Variants in SCN9A observed in about 807,000 individuals in gnomAD.
SCN9A encodes the protein sodium voltage-gated channel alpha subunit 9.
A neutral mutation model predicts 187.0 loss-of-function variants in SCN9A; 131 were observed. That is an observed-to-expected ratio of 0.70 (90% CI 0.61 to 0.81). The LOEUF (loss-of-function observed/expected upper bound fraction) is 0.81, where lower values mean the gene tolerates loss of function less well. Among genes scored for constraint, SCN9A ranks in the 30% least tolerant of loss-of-function variants. The pLI is 0.00. For missense variants in SCN9A, 2,252 were observed against 2,396.6 expected (o/e 0.94, Z 1.26); for synonymous variants, 809 against 808.6 (o/e 1.00, Z -0.01).
intron 23 of SCN9A, 145 bp downstream of exon 23, chr2:166,227,525 A>G (rs1307260380): frequency 3.1e-6 from 2 of 638,878 alleles, no homozygotes; most frequent in Non-Finnish European, 2.8e-6. Flanking sequence ...TGCTGTACTC[A>G]CAACCACTAG....
chr2:166,370,048 ACTT>A (rs886349406), intron 1 of SCN9A, among the ~76,000 whole-genome samples: 1 of 151,912 alleles, frequency 6.6e-6, no homozygotes, highest in East Asian at 1.9e-4. Context: ...ATCTACATTT[ACTT>A]CTTTTTTCAA....
chr2:166,366,948 C>G (rs1700431780), intron 1 of SCN9A, among the ~76,000 whole-genome samples: 1 of 152,126 alleles, frequency 6.6e-6, no homozygotes, highest in African/African-American at 2.4e-5. Flanking sequence ...TAAAAGTCAA[C>G]TTCTTGCATT....
At chr2:166,200,620 T>G (rs1303040046) in intron 26 of SCN9A, among the ~76,000 whole-genome samples, 8 of 152,242 alleles carry the variant, frequency 5.3e-5, no homozygotes, top group Admixed American at 3.3e-4. Context: ...TCATGTTATA[T>G]AAGCTTTTTT....
At chr2:166,291,937 A>G (rs1387689563) in intron 9 of SCN9A, among the ~76,000 whole-genome samples, 4 of 152,210 alleles carry the variant, frequency 2.6e-5, no homozygotes, top group Non-Finnish European at 5.9e-5. Context: ...TGGATTAAAG[A>G]CTTAATGTAA....
intron 24 of SCN9A, among the ~76,000 whole-genome samples, chr2:166,206,823 T>C (rs1355881087): frequency 6.6e-6 from 1 of 152,206 alleles, no homozygotes; most frequent in African/African-American, 2.4e-5. Context: ...ACTACCTTTT[T>C]AATTCTAAAT....
chr2:166,375,649 G>A (rs1006928705), intron 1 of SCN9A, 48 bp downstream of exon 1: 2 of 152,340 alleles, frequency 1.3e-5, no homozygotes, highest in Admixed American at 1.3e-4. Flanking sequence ...AAAGACCGAG[G>A]GCTTCTCCTC....
intron 1 of SCN9A, among the ~76,000 whole-genome samples, chr2:166,365,719 T>C (rs920733624): frequency 4.6e-5 from 7 of 152,234 alleles, no homozygotes; most frequent in Admixed American, 1.3e-4. Context: ...AAATACCCTG[T>C]ATAAAATTTT....
intron 1 of SCN9A, among the ~76,000 whole-genome samples, chr2:166,328,113 C>G (rs1264783511): frequency 6.6e-6 from 1 of 152,084 alleles, no homozygotes; most frequent in African/African-American, 2.4e-5. Flanking sequence ...CCTTTGTAGT[C>G]CCTGACACTC....
At chr2:166,268,330 T>A (rs1696830908) in intron 17 of SCN9A, among the ~76,000 whole-genome samples, 1 of 152,010 alleles carries the variant, frequency 6.6e-6, no homozygotes. Flanking sequence ...CATAAATATA[T>A]AAATTAGGAG....
Position 166,306,069 on chromosome 2 carries a change from T to C in SCN9A, c.468-149A>G. The C allele has an allele frequency of 5.0e-6, 4 of 802,470 alleles. No homozygotes were observed. The South Asian group carries it at 7.7e-5, about 15-fold the overall frequency. 49.7% of individuals were successfully genotyped at this position (802,470 alleles called of 1,614,324 possible). ...ATGGACACACCCTATTAAACTACAATAGGTCTATCCAGAAAATATTAAAAT... is the reference window on the plus strand; with the variant it reads ...ATGGACACACCCTATTAAACTACAACAGGTCTATCCAGAAAATATTAAAAT... On this transcript the variant is annotated intron_variant, in intron 4 of 26. Coordinates refer to ENST00000642356, the MANE Select transcript of SCN9A (RefSeq NM_001365536.1).
intron 24 of SCN9A, among the ~76,000 whole-genome samples, chr2:166,213,487 AATAATAATG>A (rs983675982): frequency 1.3e-4 from 19 of 147,870 alleles, no homozygotes; most frequent in African/African-American, 4.4e-4. Context: ...TAATAATAAT[AATAATAATG>A]ATAATGATAG....
At chr2:166,352,181 G>A (rs906095310) in intron 1 of SCN9A, among the ~76,000 whole-genome samples, 5 of 152,024 alleles carry the variant, frequency 3.3e-5, no homozygotes, top group South Asian at 2.1e-4. Flanking sequence ...AGATTTACAC[G>A]GCCCTACTTT....
At chr2:166,225,951 G>A (rs1486232981) in intron 24 of SCN9A, among the ~76,000 whole-genome samples, 1 of 152,126 alleles carries the variant, frequency 6.6e-6, no homozygotes, top group Non-Finnish European at 1.5e-5. Context: ...CCAAAAGTGT[G>A]AGAGAATATA....
In SCN9A at chr2:166,370,560, A is replaced by T. The variant is rs551081825; in HGVS notation, c.-51+5137T>A. On this transcript the variant is annotated intron_variant, in intron 1 of 26. Coordinates refer to ENST00000642356, the MANE Select transcript of SCN9A (RefSeq NM_001365536.1). The stretch of plus-strand genomic sequence containing the variant: ...TCCGTCTCAAAAAAATAAAAAATAA[A>T]AAAAAAAAAGAATCTTTAAAAATCA... 1.3e-4 allele frequency among the ~76,000 whole-genome samples: 20 copies of T among 151,906 alleles called. No individual in the cohort carries two copies. The South Asian group carries it at 1.9e-3, about 14-fold the overall frequency.
At chr2:166,265,206 C>T (rs115032219) in intron 17 of SCN9A, among the ~76,000 whole-genome samples, 2,183 of 151,930 alleles carry the variant, frequency 0.014, 23 homozygotes, top group Non-Finnish European at 0.02. Flanking sequence ...AATCTTTCCC[C>T]ACACCTCGCT....
chr2:166,214,596 G>C lies in SCN9A; in HGVS notation c.4399-10132C>G, dbSNP rs537478331. ...GTGGCGCAATCTCGGCTCACTGCAA[G>C]CTCCGCCTCCCGGGTTCATGCCATT... is the stretch of plus-strand genomic sequence containing the variant. On this transcript the variant is annotated intron_variant, in intron 24 of 26. Transcript: ENST00000642356. 3.3e-4 allele frequency among the ~76,000 whole-genome samples: 40 copies of C among 122,646 alleles called. 1 individual carries two copies. In the South Asian group the frequency reaches 0.011, roughly 34 times the overall value. 80.5% of individuals were successfully genotyped at this position (122,646 alleles called of 152,430 possible).
At chr2:166,344,864 A>T (rs146333890) in intron 1 of SCN9A, among the ~76,000 whole-genome samples, 123 of 152,344 alleles carry the variant, frequency 8.1e-4, no homozygotes, top group South Asian at 5.8e-3. Flanking sequence ...GCCATGAAAC[A>T]TAAAATCCTC....
rs1291071110 is a variant in SCN9A, at chr2:166,204,258, A to G, written c.4504-33T>C. ...GAAATAAGAATAATATCGAATGCAG[A>G]GTAAACTTTTCAAGTATTATCCAGA... On this transcript the variant is annotated intron_variant, in intron 25 of 26. Coordinates refer to ENST00000642356, the MANE Select transcript of SCN9A (RefSeq NM_001365536.1). The G allele has an allele frequency of 3.1e-6, 5 of 1,593,438 alleles. No homozygotes were observed. The South Asian group carries it at 4.6e-5, about 15-fold the overall frequency.
chr2:166,368,884 G>A (rs1279591489), intron 1 of SCN9A, among the ~76,000 whole-genome samples: 1 of 151,640 alleles, frequency 6.6e-6, no homozygotes, highest in Non-Finnish European at 1.5e-5. Flanking sequence ...CTACTCGGGA[G>A]GCTGAGGCAG....
Sources: gnomAD v4.1 joint callset for allele counts (sites outside exome capture counted in the v4.1 genomes callset) on GRCh38, gnomAD v4.1.1 for gene constraint, MANE v1.5 for transcripts, NCBI Gene and HGNC (gene_info 2026-07-23, HGNC 2026-07-21) for gene names.